PDE1C: variants seen among roughly 807,000 people sequenced by gnomAD.
PDE1C encodes phosphodiesterase 1C, also known as dual specificity calcium/calmodulin-dependent 3',5'-cyclic nucleotide phosphodiesterase 1C.
A neutral mutation model predicts 93.1 loss-of-function variants in PDE1C; 62 were observed. The observed-to-expected ratio is 0.67, with a 90% CI of 0.54 to 0.82. The LOEUF is 0.82. Among genes scored for constraint, PDE1C ranks in the 40% least tolerant of loss-of-function variants. The pLI is 0.00. For missense variants in PDE1C, 742 were observed against 884.6 expected, an observed-to-expected ratio of 0.84 and a Z score of 2.04; for synonymous variants, 325 against 310.1, an observed-to-expected ratio of 1.05 and a Z score of -0.50.
At chr7:31,869,506 A>G (rs77240685) in intron 6 of PDE1C, among the ~76,000 whole-genome samples, 9,702 of 152,178 alleles carry the variant, frequency 0.064, 451 homozygotes, top group Non-Finnish European at 0.1. Context: ...TTAAGTCAAA[A>G]ATGGTAAAAA....
chr7:32,389,647 T>C (rs1784715796), intron 1 of PDE1C, among the ~76,000 whole-genome samples: 1 of 152,220 alleles, frequency 6.6e-6, no homozygotes, highest in African/African-American at 2.4e-5. Flanking sequence ...GGCCGCTTCA[T>C]GTGGCATAAA....
In PDE1C at chr7:31,775,283, A is replaced by C. The variant is rs552213393; in HGVS notation, c.1960+381T>G. ...CCAAGAAGCTGAAGAAGCACATGTG[A>C]GGGCACACAATTTGAACACAGAAAA... On this transcript the variant is annotated intron_variant, in intron 17 of 17. Transcript: ENST00000396191. 1.8e-4 allele frequency among the ~76,000 whole-genome samples: 28 copies of C among 152,334 alleles called. No individual in the cohort carries two copies. In the South Asian group the frequency reaches 5.0e-3, roughly 27 times the overall value.
chr7:32,247,092 A>C (rs1461889209), intron 1 of PDE1C, among the ~76,000 whole-genome samples: 1 of 152,254 alleles, frequency 6.6e-6, no homozygotes, highest in African/African-American at 2.4e-5. Context: ...TGGGAGAATC[A>C]AGAATGGCTC....
chr7:32,279,100 G>C (rs142374064), intron 1 of PDE1C, among the ~76,000 whole-genome samples: 42 of 152,290 alleles, frequency 2.8e-4, no homozygotes, highest in African/African-American at 8.9e-4. Flanking sequence ...AAACTGATCA[G>C]ATAGAAAAGC....
At chr7:31,969,537 G>A (rs1158705088) in intron 2 of PDE1C, among the ~76,000 whole-genome samples, 3 of 152,206 alleles carry the variant, frequency 2.0e-5, no homozygotes, top group Non-Finnish European at 4.4e-5. Context: ...TTTTTACACT[G>A]TTGGGAGGAC....
intron 1 of PDE1C, among the ~76,000 whole-genome samples, chr7:32,377,436 G>C (rs533849141): frequency 6.6e-6 from 1 of 152,154 alleles, no homozygotes; most frequent in Admixed American, 6.5e-5. Context: ...TTTAAGTAGC[G>C]TATGGTTCCC....
At chr7:32,417,139 A>C (rs1283517411) in intron 1 of PDE1C, among the ~76,000 whole-genome samples, 3 of 152,162 alleles carry the variant, frequency 2.0e-5, no homozygotes, top group Admixed American at 6.5e-5. Flanking sequence ...CCACGAGCTG[A>C]GCGGTCCCAG....
chr7:32,269,149 A>T (rs1810795560), intron 1 of PDE1C, among the ~76,000 whole-genome samples: 1 of 152,216 alleles, frequency 6.6e-6, no homozygotes, highest in African/African-American at 2.4e-5. Flanking sequence ...TACAGGAAGC[A>T]ACCTCAATGT....
chr7:31,651,916 T>C, the PDE1C span: 1 of 1,533,092 alleles, frequency 6.5e-7, no homozygotes, highest in Admixed American at 1.9e-5. Context: ...TAAATTTGGT[T>C]ATTTTCTATT....
intron 1 of PDE1C, among the ~76,000 whole-genome samples, chr7:32,266,689 C>T (rs1410904519): frequency 6.6e-6 from 1 of 152,100 alleles, no homozygotes; most frequent in African/African-American, 2.4e-5. Context: ...ACAGAATGGT[C>T]AGTGCAGGCC....
At chr7:32,031,485 G>A (rs1388896189) in intron 2 of PDE1C, among the ~76,000 whole-genome samples, 1 of 152,160 alleles carries the variant, frequency 6.6e-6, no homozygotes, top group African/African-American at 2.4e-5. Context: ...TCAGAGAAAG[G>A]AGAGAATAGG....
chr7:32,095,439 T>A (rs1191400153), intron 3 of PDE1C, among the ~76,000 whole-genome samples: 1 of 152,212 alleles, frequency 6.6e-6, no homozygotes, highest in African/African-American at 2.4e-5. Context: ...ATTTGAGATG[T>A]GTCACACTTA....
intron 1 of PDE1C, among the ~76,000 whole-genome samples, chr7:32,333,332 G>A (rs890976357): frequency 1.6e-4 from 24 of 152,082 alleles, no homozygotes; most frequent in East Asian, 3.9e-4. Flanking sequence ...CAAAGGCATC[G>A]TCACGTCCCT....
chr7:32,394,898 G>A (rs889779152), intron 1 of PDE1C, among the ~76,000 whole-genome samples: 7 of 152,062 alleles, frequency 4.6e-5, no homozygotes, highest in Non-Finnish European at 7.4e-5. Flanking sequence ...CTCTCTCACC[G>A]TGTGACATGC....
chr7:32,409,159 C>G (rs768247791), intron 1 of PDE1C, among the ~76,000 whole-genome samples: 26 of 152,022 alleles, frequency 1.7e-4, no homozygotes, highest in East Asian at 1.2e-3. Context: ...GAGTTCGAGA[C>G]CAGCCTGGGC....
chr7:32,239,978 G>T (rs1808419933), intron 1 of PDE1C, among the ~76,000 whole-genome samples: 1 of 152,230 alleles, frequency 6.6e-6, no homozygotes, highest in Non-Finnish European at 1.5e-5. Flanking sequence ...CTCAGTGACT[G>T]ACAACAATGC....
At chr7:31,843,452 C>T (rs1481960596) in intron 9 of PDE1C, among the ~76,000 whole-genome samples, 2 of 151,846 alleles carry the variant, frequency 1.3e-5, no homozygotes, top group Non-Finnish European at 2.9e-5. Context: ...TCTCCTTTCT[C>T]TTTCACAATA....
chr7:32,335,302 C>A (rs924242328), intron 1 of PDE1C, among the ~76,000 whole-genome samples: 1 of 152,204 alleles, frequency 6.6e-6, no homozygotes, highest in Non-Finnish European at 1.5e-5. Context: ...CTGCTCCTCA[C>A]TTGGGCCCTA....
At chr7:31,791,600 G>A (rs1299665284) in intron 16 of PDE1C, among the ~76,000 whole-genome samples, 1 of 152,092 alleles carries the variant, frequency 6.6e-6, no homozygotes, top group Non-Finnish European at 1.5e-5. Context: ...CACCTTCAGA[G>A]ATGTCCCCAG....
Sources: allele counts gnomAD v4.1 joint callset (sites outside exome capture counted in the v4.1 genomes callset), GRCh38; gene constraint gnomAD v4.1.1; transcripts MANE v1.5; gene names NCBI Gene and HGNC (gene_info 2026-07-23, HGNC 2026-07-21).